Variants in HSP90AA1 observed in about 807,000 individuals in gnomAD.
HSP90AA1 encodes heat shock protein HSP 90-alpha.
HSP90AA1 carries 18 observed loss-of-function variants against 73.3 expected under a neutral mutation model. The observed-to-expected ratio is 0.25, with a 90% CI of 0.17 to 0.36. The LOEUF (loss-of-function observed/expected upper bound fraction) is 0.36, where lower values mean the gene tolerates loss of function less well. Among genes scored for constraint, HSP90AA1 ranks in the 10% least tolerant of loss-of-function variants. The pLI, the probability that HSP90AA1 is intolerant of heterozygous loss-of-function variation, is 1.00. For missense variants in HSP90AA1, 704 were observed against 874.2 expected, an observed-to-expected ratio of 0.81 and a Z score of 2.45; for synonymous variants, 477 against 296.9, an observed-to-expected ratio of 1.61 and a Z score of -6.24.
intron 2 of HSP90AA1, among the ~76,000 whole-genome samples, chr14:102,094,397 C>T (rs895434220): frequency 6.6e-6 from 1 of 152,198 alleles, no homozygotes; most frequent in African/African-American, 2.4e-5. Context: ...TGGGTCCTGA[C>T]CATTGTGGTC....
intron 1 of HSP90AA1, among the ~76,000 whole-genome samples, chr14:102,126,137 G>C: frequency 6.6e-6 from 1 of 152,146 alleles, no homozygotes; most frequent in East Asian, 1.9e-4. Flanking sequence ...AATAAGCAGA[G>C]AGCATACCAG....
chr14:102,114,714 T>C (rs1372267990), intron 1 of HSP90AA1, among the ~76,000 whole-genome samples: 2 of 152,126 alleles, frequency 1.3e-5, no homozygotes, highest in Non-Finnish European at 2.9e-5. Context: ...AGAAATTCTT[T>C]GTTTTAGGCC....
rs1280711152 is a variant in HSP90AA1, at chr14:102,084,284, G to A, written c.1147+115C>T. The A allele has an allele frequency of 2.1e-5, 20 of 951,098 alleles. No homozygotes were observed. The Admixed American group carries it at 3.3e-4, about 16-fold the overall frequency. The allele number at this position is 951,098 out of a possible 1,614,324, so 58.9% of individuals were successfully genotyped here. ...TGGTCTTGAACTCCTGACCTCAAGT[G>A]ATCTGCCCACCCCGGCCTCCCAAAG... On this transcript the variant is annotated intron_variant, in intron 6 of 10. Transcript: ENST00000216281.
At chr14:102,129,084 C>G (rs1044033365) in intron 1 of HSP90AA1, among the ~76,000 whole-genome samples, 27 of 150,828 alleles carry the variant, frequency 1.8e-4, no homozygotes, top group Admixed American at 3.3e-4. Flanking sequence ...AATTTAGCAG[C>G]TGTTTGAAAA....
rs372516174 is a variant in HSP90AA1, at chr14:102,084,693, G to C, written c.969C>G (p.His323Gln). The C allele has an allele frequency of 6.2e-7, 1 of 1,613,810 alleles. No homozygotes were observed. Among genetic ancestry groups the C allele is most frequent in the African/African-American group, 1.3e-5 (1 of 75,012 alleles). ...ATCAGTCACTCACCTTCACTGCCAAGTGATCTTCCCAGTCATTGGTCAAGC... is the reference window on the plus strand; with the variant it reads ...ATCAGTCACTCACCTTCACTGCCAACTGATCTTCCCAGTCATTGGTCAAGC... Reference protein sequence around the residue: ...YKSLTNDWEDHLAVKHFSVEG... With the variant: ...YKSLTNDWEDQLAVKHFSVEG... The change falls in exon 5 of 11, where the codon CAC becomes CAG. Residue 323 changes from histidine (H) to glutamine (Q), a missense_variant. Transcript: ENST00000216281.
In HSP90AA1 at chr14:102,126,157, AT is replaced by A. The variant is rs553267976; in HGVS notation, c.155+13092del. Among the ~76,000 whole-genome samples, 5 of 152,244 alleles carry A rather than the reference AT, an allele frequency of 3.3e-5. No individual in the cohort carries two copies. The South Asian group carries it at 1.0e-3, about 32-fold the overall frequency. ...GCAGAGAGCATACCAGGCAGGAGTG[AT>A]TTTTGGAGTGAAGTCTTCTGGGATG... is the stretch of plus-strand genomic sequence containing the variant. On this transcript the variant is annotated intron_variant, in intron 1 of 11. Coordinates refer to the HSP90AA1 transcript ENST00000334701.
chr14:102,086,425 A>G, intron 1 of HSP90AA1, 47 bp from the exon 2 acceptor site: 14 of 1,598,030 alleles, frequency 8.8e-6, no homozygotes, highest in Non-Finnish European at 1.1e-5. Context: ...ACGTCTACAG[A>G]GGCAACACGA....
intron 8 of HSP90AA1, 100 bp from the exon 9 acceptor site, chr14:102,083,402 A>G: frequency 6.8e-7 from 1 of 1,462,206 alleles, no homozygotes; most frequent in Non-Finnish European, 9.6e-7. Flanking sequence ...GCAGAACCTA[A>G]GACAGAAAAT....
intron 1 of HSP90AA1, among the ~76,000 whole-genome samples, chr14:102,134,288 A>G (rs1285517841): frequency 7.0e-6 from 1 of 142,390 alleles, no homozygotes; most frequent in Non-Finnish European, 1.5e-5. Flanking sequence ...TGGAGCCACT[A>G]CTCAAACCTG....
Position 102,082,416 on chromosome 14 carries a change from G to A in HSP90AA1, c.1784C>T (p.Ser595Phe). ...TGTGCTTGTGACAATACAGCATGGA[G>A]ATGTCACCAATCGGTTTGACACAAC... Reference protein sequence around the residue: ...KVVVSNRLVTSPCCIVTSTYG... With the variant: ...KVVVSNRLVTFPCCIVTSTYG... The change falls in exon 10 of 11, where the codon TCT (serine) becomes TTT (phenylalanine). Residue 595 changes from serine to phenylalanine, a missense_variant. By Grantham distance (155) the Ser-to-Phe change is radical (BLOSUM62 -2). Transcript: ENST00000216281. 3 of 1,613,244 alleles carry A rather than the reference G, an allele frequency of 1.9e-6. No individual in the cohort carries two copies. Among genetic ancestry groups the A allele is most frequent in the Non-Finnish European group, 2.5e-6 (3 of 1,179,926 alleles).
At chr14:102,098,301 A>G (rs545851183) in intron 2 of HSP90AA1, among the ~76,000 whole-genome samples, 6 of 151,234 alleles carry the variant, frequency 4.0e-5, no homozygotes, top group African/African-American at 1.5e-4. Context: ...AGCTGGGACT[A>G]TAGGCGTCTG....
At chr14:102,097,026 C>T (rs569499204) in intron 2 of HSP90AA1, among the ~76,000 whole-genome samples, 4 of 152,008 alleles carry the variant, frequency 2.6e-5, no homozygotes, top group East Asian at 3.9e-4. Context: ...CTCGCTCTGT[C>T]GCCCAGGCTG....
chr14:102,102,865 C>T (rs1160630489), intron 1 of HSP90AA1, among the ~76,000 whole-genome samples: 1 of 151,564 alleles, frequency 6.6e-6, no homozygotes, highest in East Asian at 1.9e-4. Context: ...GTAAGACCCC[C>T]CAAAAAAGAA....
chr14:102,135,988 CA>C (rs964639578), intron 1 of HSP90AA1, among the ~76,000 whole-genome samples: 1 of 152,228 alleles, frequency 6.6e-6, no homozygotes, highest in Non-Finnish European at 1.5e-5. Context: ...AAGGGCTCCT[CA>C]AATGCCACCA....
chr14:102,091,150 A>G (rs1315280952), upstream of HSP90AA1, among the ~76,000 whole-genome samples: 2 of 152,188 alleles, frequency 1.3e-5, no homozygotes, highest in African/African-American at 2.4e-5. Flanking sequence ...GCAGCAGGCT[A>G]GCTACTTTGC....
chr14:102,119,155 C>T (rs2049743672), intron 1 of HSP90AA1, among the ~76,000 whole-genome samples: 1 of 152,000 alleles, frequency 6.6e-6, no homozygotes, highest in African/African-American at 2.4e-5. Context: ...CGCCCAGCCT[C>T]TGTTCTTGCT....
At position 102,084,666 on chromosome 14, in the gene HSP90AA1, C is replaced by T. The variant is rs1595657226; in HGVS notation, c.981+15G>A. The T allele has an allele frequency of 3.7e-6, 6 of 1,613,794 alleles. No individual in the cohort carries two copies. The East Asian group carries it at 1.3e-4, about 36-fold the overall frequency. Reference sequence around the variant, plus strand: ...TAATCTAAGGACAAGCTTGAAGCACCCATCAGTCACTCACCTTCACTGCCA... The same window carrying T: ...TAATCTAAGGACAAGCTTGAAGCACTCATCAGTCACTCACCTTCACTGCCA... On this transcript the variant is annotated intron_variant, in intron 5 of 10. Transcript: ENST00000216281.
intron 1 of HSP90AA1, among the ~76,000 whole-genome samples, chr14:102,135,917 G>A (rs2049987893): frequency 6.6e-6 from 1 of 152,200 alleles, no homozygotes; most frequent in African/African-American, 2.4e-5. Context: ...TGCAAGCTGA[G>A]GGAGTGGGCT....
intron 1 of HSP90AA1, among the ~76,000 whole-genome samples, chr14:102,115,698 T>C (rs563291899): frequency 6.6e-6 from 1 of 151,954 alleles, no homozygotes; most frequent in Non-Finnish European, 1.5e-5. Flanking sequence ...TGAGCCATGA[T>C]TGTGACCCTC....
Sources: allele counts gnomAD v4.1 joint callset (sites outside exome capture counted in the v4.1 genomes callset), GRCh38; gene constraint gnomAD v4.1.1; transcripts MANE v1.5; gene names NCBI Gene and HGNC (gene_info 2026-07-23, HGNC 2026-07-21).